Variants in OTOG observed in about 807,000 individuals in gnomAD.
OTOG encodes otogelin.
A neutral mutation model predicts 313.8 loss-of-function variants in OTOG; 296 were observed. The observed-to-expected ratio is 0.94, with a 90% CI of 0.86 to 1.04. The LOEUF (loss-of-function observed/expected upper bound fraction) is 1.04. Among genes scored for constraint, OTOG ranks in the 50% least tolerant of loss-of-function variants. The pLI, the probability that OTOG is intolerant of heterozygous loss-of-function variation, is 0.00. For synonymous variants in OTOG, 1,533 were observed against 1,554.9 expected, an observed-to-expected ratio of 0.99 and a Z score of 0.33; for missense variants, 3,948 against 3,840.1, an observed-to-expected ratio of 1.03 and a Z score of -0.74.
intron 38 of OTOG, among the ~76,000 whole-genome samples, chr11:17,613,245 TTCTTTCTTTCTTTCTTTCTTTC>T (rs1853630310): frequency 6.9e-5 from 8 of 116,156 alleles, no homozygotes; most frequent in African/African-American, 2.4e-4. Flanking sequence ...CTTTCTTTCT[TTCTTTCTTTCTTTCTTTCTTTC>T]TCTCTCTGTC....
rs1853654140 is a variant in OTOG at position 17,613,662 on chromosome 11, C to T, written c.6489C>T (p.His2163=). The change falls in exon 39 of 56, where the codon CAC becomes CAT. Residue 2163 remains histidine, a synonymous_variant. Transcript: ENST00000399397. ...PFCLVMLNMT[H]LAHQVTIDRF... The stretch of plus-strand genomic sequence containing the variant: ...GTCTGGTGATGTTGAACATGACTCA[C>T]TTGGCCCATCAGGTCACTATTGATC... 6.4e-7 allele frequency: 1 copy of T among 1,550,818 alleles called. No individual in the cohort carries two copies. The highest frequency in any genetic ancestry group is 8.7e-7 in the Non-Finnish European group (1 of 1,147,048).
At chr11:17,567,556 G>C (rs1242642087) in intron 15 of OTOG, among the ~76,000 whole-genome samples, 1 of 152,124 alleles carries the variant, frequency 6.6e-6, no homozygotes, top group Non-Finnish European at 1.5e-5. Context: ...TGTTGAGCAG[G>C]CTGGTCTTGA....
intron 23 of OTOG, among the ~76,000 whole-genome samples, chr11:17,582,310 A>G (rs1395870552): frequency 1.3e-5 from 2 of 152,174 alleles, no homozygotes; most frequent in Non-Finnish European, 2.9e-5. Context: ...ATATACAAAC[A>G]CACACACATA....
At position 17,613,721 on chromosome 11, in the gene OTOG, A is replaced by C. The variant is rs1234407352; in HGVS notation, c.6528+20A>C. 6.5e-7 allele frequency: 1 copy of C among 1,546,064 alleles called. No individual in the cohort carries two copies. Among genetic ancestry groups the C allele is most frequent in the Non-Finnish European group, 8.7e-7 (1 of 1,143,274 alleles). On this transcript the variant is annotated intron_variant, in intron 39 of 55. Transcript: ENST00000399397. ...CGAAAGGTGAGTGCATCAAACAGCC[A>C]GCCTCCAGGGCAGGGCCACAGTCAG...
chr11:17,636,919 G>A (rs740319), intron 47 of OTOG, among the ~76,000 whole-genome samples: 3,147 of 152,080 alleles, frequency 0.021, 122 homozygotes, highest in African/African-American at 0.071. Context: ...GGGCTGTTGT[G>A]GAAATTAGAG....
Position 17,610,688 on chromosome 11 carries a change from C to T in OTOG, c.5388C>T (p.Ser1796=). The T allele has an allele frequency of 1.9e-6, 3 of 1,550,630 alleles. No individual in the cohort carries two copies. The highest frequency in any genetic ancestry group is 1.2e-5 in the South Asian group (1 of 84,058). The part of the protein sequence containing the change: ...PFMSLESTRP[S]QLLSGLPPDT... ...TGTCCCTTGAGTCAACTCGTCCCTC[C>T]CAGCTCCTCTCTGGCCTGCCTCCCG... The change falls in exon 36 of 56, where the codon TCC becomes TCT. Residue 1796 remains serine (S), a synonymous_variant. Transcript: ENST00000399397.
intron 7 of OTOG, among the ~76,000 whole-genome samples, 167 bp downstream of exon 7, chr11:17,556,064 C>T (rs1852052221): frequency 6.6e-6 from 1 of 152,088 alleles, no homozygotes; most frequent in Admixed American, 6.5e-5. Context: ...GGTTTCTTGC[C>T]AGTGGGGTTT....
chr11:17,559,753 TGGAA>T (rs1445527974), intron 12 of OTOG, 91 bp downstream of exon 12: 100 of 1,222,486 alleles, frequency 8.2e-5, no homozygotes, highest in South Asian at 1.3e-4. Flanking sequence ...TACCTGTTTG[TGGAA>T]GGAAGGAAGG....
At chr11:17,639,398 G>T (rs1312175744) in intron 48 of OTOG, 25 bp from the exon 49 acceptor site, 2 of 1,550,446 alleles carry the variant, frequency 1.3e-6, no homozygotes, top group Admixed American at 2.0e-5. Context: ...TGATGAAGTG[G>T]GGCCTGGCCC....
At chr11:17,561,586 C>A in intron 14 of OTOG, 76 bp from the exon 15 acceptor site, 2 of 1,479,122 alleles carry the variant, frequency 1.4e-6, no homozygotes, top group South Asian at 1.2e-5. Context: ...CTGTGTCCTC[C>A]TCATACTTGG....
At chr11:17,580,374 G>A (rs779112572) in intron 23 of OTOG, among the ~76,000 whole-genome samples, 79 of 152,230 alleles carry the variant, frequency 5.2e-4, no homozygotes, top group Non-Finnish European at 3.8e-4. Flanking sequence ...CTCTATGTGA[G>A]CAGATAGCAT....
At chr11:17,611,849 C>T (rs541515963) in intron 36 of OTOG, among the ~76,000 whole-genome samples, 14 of 151,956 alleles carry the variant, frequency 9.2e-5, no homozygotes, top group African/African-American at 2.7e-4. Context: ...TGTGTATAGG[C>T]TTGTGCAAGT....
Position 17,612,791 on chromosome 11 carries a change from G to A in OTOG, c.6438+26G>A, listed in dbSNP as rs775636190. The A allele has an allele frequency of 9.1e-6, 14 of 1,546,686 alleles. No homozygotes were observed. The South Asian group carries it at 1.6e-4, about 17-fold the overall frequency. On this transcript the variant is annotated intron_variant, in intron 38 of 55. Transcript: ENST00000399397. ...GTGCCTGCCCCATACCTCCCTCCCT[G>A]CTGGGGACTAGGAATGGGACTAGGA...
intron 24 of OTOG, among the ~76,000 whole-genome samples, chr11:17,589,551 C>T (rs1278507263): frequency 1.3e-5 from 2 of 152,154 alleles, no homozygotes; most frequent in Non-Finnish European, 2.9e-5. Flanking sequence ...AGCATCTCTC[C>T]CTCTTTTCTC....
At chr11:17,633,355 G>T (rs1411359487) in intron 42 of OTOG, among the ~76,000 whole-genome samples, 2 of 152,228 alleles carry the variant, frequency 1.3e-5, no homozygotes, top group Non-Finnish European at 2.9e-5. Flanking sequence ...GTGCCATATG[G>T]TCTCAGTCAT....
At chr11:17,631,043 G>A (rs1854109012) in intron 40 of OTOG, among the ~76,000 whole-genome samples, 1 of 152,176 alleles carries the variant, frequency 6.6e-6, no homozygotes, top group Non-Finnish European at 1.5e-5. Context: ...CACAGGAGAG[G>A]AGACAGGTGG....
Position 17,558,310 on chromosome 11 carries a change from A to G in OTOG, c.991A>G (p.Met331Val). Residue 331 changes from methionine to valine, a missense_variant, in exon 9 of 56, where the codon ATG (methionine) becomes GTG (valine). Met to Val is a conservative substitution (Grantham distance 21). Coordinates refer to ENST00000399397, the MANE Select transcript of OTOG (RefSeq NM_001292063.2). ...GTGCCTACAGCAGAACCCAGGAACC[A>G]TGCAGGTCTGGAGCTTGGGGAGAAA... Reference protein sequence around the residue: ...PPCLQQNPGTMQGVYEQCEAL... With the variant: ...PPCLQQNPGTVQGVYEQCEAL... The G allele has an allele frequency of 1.3e-6, 2 of 1,550,770 alleles. No individual in the cohort carries two copies. Among genetic ancestry groups the G allele is most frequent in the Non-Finnish European group, 1.7e-6 (2 of 1,146,994 alleles).
In OTOG at chr11:17,610,115, C is replaced by T; in HGVS notation, c.4815C>T (p.Ser1605=). The part of the protein sequence containing the change: ...FAGSPNITVS[S]RSPPAPRFPL... Reference sequence around the variant, plus strand: ...GAAGCCCTAACATCACAGTCTCCTCCCGGTCGCCCCCTGCCCCTCGCTTCC... The same window carrying T: ...GAAGCCCTAACATCACAGTCTCCTCTCGGTCGCCCCCTGCCCCTCGCTTCC... The change falls in exon 36 of 56, where the codon TCC becomes TCT. Residue 1605 remains serine, a synonymous_variant. Coordinates refer to ENST00000399397, the MANE Select transcript of OTOG (RefSeq NM_001292063.2). 1 of 1,550,614 alleles carries T rather than the reference C, an allele frequency of 6.4e-7. No homozygotes were observed. The highest frequency in any genetic ancestry group is 8.7e-7 in the Non-Finnish European group (1 of 1,146,968).
At chr11:17,588,083 G>A (rs1230753541) in intron 24 of OTOG, among the ~76,000 whole-genome samples, 1 of 152,216 alleles carries the variant, frequency 6.6e-6, no homozygotes, top group Non-Finnish European at 1.5e-5. Context: ...GGATTATTTA[G>A]GATTTGGAAC....
Sources: gnomAD v4.1 joint callset for allele counts (sites outside exome capture counted in the v4.1 genomes callset) on GRCh38, gnomAD v4.1.1 for gene constraint, MANE v1.5 for transcripts, NCBI Gene and HGNC (gene_info 2026-07-23, HGNC 2026-07-21) for gene names.